The following SRGAP2 variants were observed in gnomAD, a reference collection of about 807,000 sequenced individuals.
SRGAP2 encodes the protein SLIT-ROBO Rho GTPase activating protein 2.
SRGAP2 carries 15 observed loss-of-function variants against 57.2 expected under a neutral mutation model. That is an observed-to-expected ratio of 0.26 (90% CI 0.18 to 0.40). SRGAP2 has a LOEUF of 0.40. SRGAP2 is among the 10% of genes least tolerant of loss of function. The probability of loss-of-function intolerance (pLI) is 1.00; values close to 1 mark genes in which losing one functional copy is unlikely to be tolerated. For missense variants in SRGAP2, 520 were observed against 669.6 expected (o/e 0.78, Z 2.47); for synonymous variants, 249 against 248.0 (o/e 1.00, Z -0.04).
chr1:206,214,190 T>C (rs1331565222), intron 2 of SRGAP2, among the ~76,000 whole-genome samples: 3 of 150,994 alleles, frequency 2.0e-5, no homozygotes, highest in Admixed American at 2.0e-4. Context: ...ACATTTCTTA[T>C]TTTGCTTTAA....
chr1:206,450,214 A>T (rs1663142028), intron 18 of SRGAP2, among the ~76,000 whole-genome samples, 172 bp from the exon 19 acceptor site: 1 of 152,242 alleles, frequency 6.6e-6, no homozygotes, highest in Non-Finnish European at 1.5e-5. Flanking sequence ...CTAGACTGGA[A>T]AAACTCTAGA....
intron 2 of SRGAP2, among the ~76,000 whole-genome samples, chr1:206,298,614 G>A (rs1474029814): frequency 2.0e-5 from 3 of 151,940 alleles, no homozygotes; most frequent in African/African-American, 7.3e-5. Context: ...TTCAAAACAG[G>A]GAGGTTTAAA....
Position 206,454,748 on chromosome 1 carries a change from AG to A in SRGAP2, c.2361-128del. 1 of 608,216 alleles carries A rather than the reference AG, an allele frequency of 1.6e-6. No homozygotes were observed. Among genetic ancestry groups the A allele is most frequent in the Non-Finnish European group, 2.9e-6 (1 of 340,654 alleles). 37.7% of individuals were successfully genotyped at this position (608,216 alleles called of 1,614,324 possible). A position where few individuals can be genotyped will look rare whatever the true frequency, so the allele number is the denominator to read the frequency against. On this transcript the variant is annotated intron_variant, in intron 20 of 22. Coordinates refer to ENST00000573034, the MANE Select transcript of SRGAP2 (RefSeq NM_015326.5). This position sits in a 1 kb window ranked among gnomAD's most constrained non-coding sequence, Gnocchi z 4.3. ...CTCTGCTCACAGAACTAGTCCAGCCAGGTGTCGCTGCTGCCTCAGAGCTGTG... is the reference window on the plus strand; with the variant it reads ...CTCTGCTCACAGAACTAGTCCAGCCAGTGTCGCTGCTGCCTCAGAGCTGTG...
At chr1:206,312,934 T>C (rs1416276951) in intron 3 of SRGAP2, among the ~76,000 whole-genome samples, 2 of 152,232 alleles carry the variant, frequency 1.3e-5, no homozygotes, top group South Asian at 2.1e-4. Context: ...AGGACTCTAA[T>C]TGATAATGCA....
rs141859199 is a variant in SRGAP2 at position 206,461,265 on chromosome 1, G to A, written c.3061G>A (p.Ala1021Thr). The part of the protein sequence containing the change: ...SASTAGDIAC[A>T]FRPVKSVKMA... ...CAGTACTGCTGGGGACATCGCCTGC[G>A]CCTTCCGGCCTGTCAAGTCTGTCAA... is the stretch of plus-strand genomic sequence containing the variant. Residue 1021 changes from alanine (A) to threonine (T), a missense_variant, in exon 23 of 23, where the codon GCC (alanine) becomes ACC (threonine). Physicochemically the swap from Ala to Thr is moderately conservative, Grantham distance 58. Transcript: ENST00000573034. 4.7e-3 allele frequency: 3,647 copies of A among 780,852 alleles called. 20 individuals are homozygous for A. The highest frequency in any genetic ancestry group is 6.3e-3 in the Non-Finnish European group (2,616 of 417,982). The allele number at this position is 780,852 out of a possible 1,614,324, so 48.4% of individuals were successfully genotyped here. A position where few individuals can be genotyped will look rare whatever the true frequency, so the allele number is the denominator to read the frequency against.
intron 3 of SRGAP2, among the ~76,000 whole-genome samples, chr1:206,341,002 AC>A (rs1553335038): frequency 6.6e-6 from 1 of 152,212 alleles, no homozygotes; most frequent in African/African-American, 2.4e-5. Context: ...GGTGAGTGGT[AC>A]CTGGATATAG....
chr1:206,417,349 C>T (rs1387707065), intron 11 of SRGAP2, among the ~76,000 whole-genome samples: 2 of 151,704 alleles, frequency 1.3e-5, no homozygotes, highest in African/African-American at 2.4e-5. Flanking sequence ...GGTGATCCAC[C>T]CACCTCAGCT....
chr1:206,418,940 A>C (rs916293426), intron 11 of SRGAP2, among the ~76,000 whole-genome samples: 35 of 136,992 alleles, frequency 2.6e-4, no homozygotes, highest in Admixed American at 1.6e-3. Context: ...GTGTGTGTAT[A>C]CTCAGGAGCA....
chr1:206,415,798 C>T lies in SRGAP2; in HGVS notation c.1357-91C>T. The T allele has an allele frequency of 4.2e-6, 3 of 706,756 alleles. No homozygotes were observed. The South Asian group carries it at 4.5e-5, about 11-fold the overall frequency. The allele number at this position is 706,756 out of a possible 1,614,324, so 43.8% of individuals were successfully genotyped here. A position where few individuals can be genotyped will look rare whatever the true frequency, so the allele number is the denominator to read the frequency against. On this transcript the variant is annotated intron_variant, in intron 10 of 22. Coordinates refer to ENST00000573034, the MANE Select transcript of SRGAP2 (RefSeq NM_015326.5). ...AATTGGGTCAGAAACCAAATGACCTCTATATAGGGGAATTGTCCAGCTGAG... is the reference window on the plus strand; with the variant it reads ...AATTGGGTCAGAAACCAAATGACCTTTATATAGGGGAATTGTCCAGCTGAG...
chr1:206,334,589 G>A (rs1674635056), intron 3 of SRGAP2, among the ~76,000 whole-genome samples: 1 of 152,124 alleles, frequency 6.6e-6, no homozygotes, highest in Non-Finnish European at 1.5e-5. Flanking sequence ...GCATACTAAA[G>A]TACAATTTGC....
chr1:206,253,517 T>TCCTC (rs1167322489), intron 2 of SRGAP2, among the ~76,000 whole-genome samples: 2 of 151,776 alleles, frequency 1.3e-5, no homozygotes, highest in Non-Finnish European at 2.9e-5. Context: ...TTCTTTTCTT[T>TCCTC]CCTCCCTCCC....
chr1:206,249,591 C>T (rs531654146), intron 2 of SRGAP2, among the ~76,000 whole-genome samples: 13 of 147,650 alleles, frequency 8.8e-5, no homozygotes, highest in East Asian at 2.2e-4. Context: ...CAGGGCCTGT[C>T]GGGGGGTGAG....
intron 2 of SRGAP2, among the ~76,000 whole-genome samples, chr1:206,299,744 A>G (rs1259938938): frequency 6.6e-6 from 1 of 151,956 alleles, no homozygotes; most frequent in African/African-American, 2.4e-5. Flanking sequence ...TAATGCCTGT[A>G]TGGATGCTTT....
At chr1:206,460,488 C>G (rs372772743) in intron 22 of SRGAP2, among the ~76,000 whole-genome samples, 1 of 151,822 alleles carries the variant, frequency 6.6e-6, no homozygotes, top group African/African-American at 2.4e-5. Context: ...GGAGGAGGGG[C>G]GGGGGGAGGC....
chr1:206,363,187 A>G (rs529902043), intron 4 of SRGAP2, among the ~76,000 whole-genome samples: 133 of 151,892 alleles, frequency 8.8e-4, no homozygotes, highest in South Asian at 3.6e-3. Context: ...GGTCCCTTGT[A>G]GGGGAGTGGC....
chr1:206,450,592 T>A, intron 19 of SRGAP2, 127 bp downstream of exon 19: 1 of 619,374 alleles, frequency 1.6e-6, no homozygotes, highest in South Asian at 1.9e-5. Flanking sequence ...GAGAGCTCCC[T>A]GTCTCAATTT....
intron 2 of SRGAP2, among the ~76,000 whole-genome samples, chr1:206,239,147 A>G (rs1249342561): frequency 2.0e-5 from 3 of 148,876 alleles, no homozygotes; most frequent in East Asian, 2.0e-4. Context: ...ACTGCCAGAA[A>G]TGAATCTAAA....
chr1:206,358,478 C>G (rs1263606039), intron 4 of SRGAP2, among the ~76,000 whole-genome samples: 1 of 151,460 alleles, frequency 6.6e-6, no homozygotes. Context: ...CTTTAATCAT[C>G]TCTTCTCCAA....
chr1:206,296,683 C>T (rs1553619892), intron 2 of SRGAP2: 3 of 152,226 alleles, frequency 2.0e-5, no homozygotes, highest in African/African-American at 4.8e-5. Context: ...CGGCCCACCT[C>T]GGCTTCCCAA....
Sources: gnomAD v4.1 joint callset for allele counts (sites outside exome capture counted in the v4.1 genomes callset) on GRCh38, gnomAD v4.1.1 for gene constraint, Gnocchi (gnomAD v3.1) non-coding constraint, MANE v1.5 for transcripts, NCBI Gene and HGNC (gene_info 2026-07-23, HGNC 2026-07-21) for gene names.